RAB3IP: variants seen among roughly 807,000 people sequenced by gnomAD.
RAB3IP encodes rab-3A-interacting protein.
In RAB3IP, 36 loss-of-function variants were observed where a neutral mutation model predicts 59.1. The ratio of observed to expected loss-of-function variants is 0.61; its 90% CI spans 0.47 to 0.80. The LOEUF (loss-of-function observed/expected upper bound fraction) is 0.80, where lower values mean the gene tolerates loss of function less well. Ranked by LOEUF, RAB3IP falls within the 30% of genes least tolerant of loss-of-function variation. RAB3IP has a pLI of 0.00. For missense variants in RAB3IP, 511 were observed against 536.0 expected, an observed-to-expected ratio of 0.95 and a Z score of 0.46; for synonymous variants, 207 against 191.2, an observed-to-expected ratio of 1.08 and a Z score of -0.68.
At chr12:69,783,144 C>G (rs1373162951) in intron 3 of RAB3IP, among the ~76,000 whole-genome samples, 1 of 152,080 alleles carries the variant, frequency 6.6e-6, no homozygotes, top group Non-Finnish European at 1.5e-5. Flanking sequence ...CTGGATTTCC[C>G]TGGACTATTA....
chr12:69,779,364 T>A (rs1175342367), intron 3 of RAB3IP, among the ~76,000 whole-genome samples: 1 of 150,478 alleles, frequency 6.6e-6, no homozygotes, highest in African/African-American at 2.4e-5. Context: ...AATGCAGAAA[T>A]CACCCGTCTT....
At chr12:69,755,274 A>G (rs1870008676) in intron 1 of RAB3IP, 110 bp from the exon 2 acceptor site, 1 of 999,058 alleles carries the variant, frequency 1.0e-6, no homozygotes, top group Admixed American at 2.8e-5. Flanking sequence ...TTTTATTGTA[A>G]GCTTATAATT....
chr12:69,802,495 C>G (rs1878554091), intron 8 of RAB3IP, among the ~76,000 whole-genome samples: 1 of 152,224 alleles, frequency 6.6e-6, no homozygotes, highest in African/African-American at 2.4e-5. Flanking sequence ...CTTAAAACAT[C>G]TAGCAAAGAC....
chr12:69,812,084 TC>T (rs1667694780), intron 8 of RAB3IP: 1 of 152,196 alleles, frequency 6.6e-6, no homozygotes, highest in South Asian at 2.1e-4. Context: ...TATTCAGCAG[TC>T]ATTGAATGTG....
rs1335102527 is a variant in RAB3IP, at chr12:69,818,563, TTAAAA to T, written c.*3119_*3123del. 1.7e-4 allele frequency: 26 copies of T among 152,290 alleles called. No homozygotes were observed. Among genetic ancestry groups the T allele is most frequent in the Non-Finnish European group, 1.0e-4 (7 of 68,022 alleles). 9.4% of individuals were successfully genotyped at this position (152,290 alleles called of 1,614,324 possible). A position where few individuals can be genotyped will look rare whatever the true frequency, so the allele number is the denominator to read the frequency against. ...ACATATAAGAATGTTCTGGAATAAA[TTAAAA>T]TGTCTATTTTTAGGAAGGTGTAATG... On this transcript the variant is annotated 3_prime_UTR_variant, in exon 11 of 11. Coordinates refer to ENST00000247833, the MANE Select transcript of RAB3IP (RefSeq NM_022456.5).
chr12:69,809,264 G>C (rs1879998967), intron 8 of RAB3IP, among the ~76,000 whole-genome samples: 1 of 152,180 alleles, frequency 6.6e-6, no homozygotes, highest in African/African-American at 2.4e-5. Context: ...TCTGCCGAGA[G>C]ATCAGCTGTT....
At chr12:69,749,304 A>G (rs1000973755) in intron 1 of RAB3IP, among the ~76,000 whole-genome samples, 1 of 152,204 alleles carries the variant, frequency 6.6e-6, no homozygotes, top group African/African-American at 2.4e-5. Flanking sequence ...AAGAGAATCT[A>G]ATGCCTGATG....
Position 69,738,921 on chromosome 12 carries a change from G to C in RAB3IP, c.-136G>C, listed in dbSNP as rs1397164282. On this transcript the variant is annotated 5_prime_UTR_variant, in exon 1 of 11. Coordinates refer to ENST00000247833, the MANE Select transcript of RAB3IP (RefSeq NM_022456.5). ...CGTAGTGAGCCCGCCGCCGTGGAGT[G>C]TAGCGGAAAGGGCTCGCCGTCCTCC... The C allele has an allele frequency of 6.6e-6, 1 of 152,066 alleles. No individual in the cohort carries two copies. Among genetic ancestry groups the C allele is most frequent in the Non-Finnish European group, 1.5e-5 (1 of 68,008 alleles). The allele number at this position is 152,066 out of a possible 1,614,324, so 9.4% of individuals were successfully genotyped here. A position where few individuals can be genotyped will look rare whatever the true frequency, so the allele number is the denominator to read the frequency against.
rs140302603 is a variant in RAB3IP, at chr12:69,794,469, C to T, written c.639C>T (p.Ile213=). The T allele has an allele frequency of 9.2e-5, 149 of 1,612,988 alleles. No homozygotes were observed. The highest frequency in any genetic ancestry group is 1.2e-4 in the Non-Finnish European group (140 of 1,179,518). Residue 213 remains isoleucine (I), a synonymous_variant, in exon 5 of 11, where the codon ATC becomes ATT. Coordinates refer to ENST00000247833, the MANE Select transcript of RAB3IP (RefSeq NM_022456.5). Reference sequence around the variant, plus strand: ...ATAAAATGGTGAGAGAAGCAAATATCAAGCAGGCAACAGCAGAAAAACAGC... The same window carrying T: ...ATAAAATGGTGAGAGAAGCAAATATTAAGCAGGCAACAGCAGAAAAACAGC... ...EAHKMVREAN[I]KQATAEKQLK... is the part of the protein sequence containing the mutation.
chr12:69,757,673 C>A (rs1870443894), intron 3 of RAB3IP, among the ~76,000 whole-genome samples: 1 of 152,136 alleles, frequency 6.6e-6, no homozygotes, highest in Non-Finnish European at 1.5e-5. Context: ...CCCACTCTTT[C>A]CCTAGCATAC....
chr12:69,744,140 G>A (rs986498372), intron 1 of RAB3IP, among the ~76,000 whole-genome samples: 1 of 151,666 alleles, frequency 6.6e-6, no homozygotes, highest in African/African-American at 2.4e-5. Flanking sequence ...CCCCTAGCCC[G>A]CCACTCCCCC....
At chr12:69,771,181 A>G (rs1292256268) in intron 3 of RAB3IP, among the ~76,000 whole-genome samples, 1 of 152,212 alleles carries the variant, frequency 6.6e-6, no homozygotes, top group Non-Finnish European at 1.5e-5. Context: ...GACAAATGAC[A>G]GGATTTCATT....
intron 3 of RAB3IP, among the ~76,000 whole-genome samples, chr12:69,782,510 C>T (rs1285824354): frequency 1.3e-5 from 2 of 152,178 alleles, no homozygotes; most frequent in African/African-American, 4.8e-5. Context: ...TGATGTTGAT[C>T]ATCATTTCAC....
intron 6 of RAB3IP, among the ~76,000 whole-genome samples, chr12:69,799,575 A>G (rs1389093133): frequency 6.6e-6 from 1 of 152,152 alleles, no homozygotes; most frequent in Non-Finnish European, 1.5e-5. Context: ...ATATCTAAAT[A>G]AATGTTGTAT....
intron 1 of RAB3IP, among the ~76,000 whole-genome samples, chr12:69,741,068 T>C (rs1022994891): frequency 6.6e-6 from 1 of 152,248 alleles, no homozygotes; most frequent in African/African-American, 2.4e-5. Flanking sequence ...CTGCTGTTTT[T>C]TATGTTTCAA....
At chr12:69,782,523 G>A (rs1874913126) in intron 3 of RAB3IP, among the ~76,000 whole-genome samples, 1 of 149,464 alleles carries the variant, frequency 6.7e-6, no homozygotes, top group Admixed American at 6.7e-5. Context: ...CATTTCACAT[G>A]CTTGTTTGTC....
chr12:69,807,029 TCCC>T (rs1222243659), intron 8 of RAB3IP, among the ~76,000 whole-genome samples: 1 of 151,854 alleles, frequency 6.6e-6, no homozygotes, highest in Non-Finnish European at 1.5e-5. Context: ...TCCCCACATT[TCCC>T]CCTTTTCTTT....
Position 69,756,513 on chromosome 12 carries a change from G to C in RAB3IP, c.360G>C (p.Gln120His), listed in dbSNP as rs1870246237. 6.2e-7 allele frequency: 1 copy of C among 1,614,106 alleles called. No homozygotes were observed. The highest frequency in any genetic ancestry group is 8.5e-7 in the Non-Finnish European group (1 of 1,180,000). ...DNYNAEREFL[Q>H]GATITEACDG... ...ATAATGCAGAGAGAGAGTTTTTACA[G>C]GGTGCTACTATAACAGAGGCTTGCG... The change falls in exon 3 of 11, where the codon CAG (glutamine) becomes CAC (histidine). Residue 120 changes from glutamine to histidine, a missense_variant. Transcript: ENST00000247833.
intron 3 of RAB3IP, among the ~76,000 whole-genome samples, chr12:69,759,524 C>T (rs1005303839): frequency 7.2e-5 from 11 of 151,974 alleles, no homozygotes; most frequent in Non-Finnish European, 1.5e-4. Context: ...GGGTGGTGGC[C>T]GGGCAGAGGA....
Sources: allele counts gnomAD v4.1 joint callset (sites outside exome capture counted in the v4.1 genomes callset), GRCh38; gene constraint gnomAD v4.1.1; transcripts MANE v1.5; gene names NCBI Gene and HGNC (gene_info 2026-07-23, HGNC 2026-07-21).